Variants in RPL23 observed in about 807,000 individuals in gnomAD.
RPL23 encodes ribosomal protein L23.
For synonymous variants in RPL23, 63 were observed against 65.3 expected (o/e 0.97, Z 0.17); for missense variants, 79 against 178.8 (o/e 0.44, Z 3.18).
At chr17:38,852,833 C>A in intron 2 of RPL23, 101 bp from the exon 3 acceptor site, 1 of 1,543,412 alleles carries the variant, frequency 6.5e-7, no homozygotes, top group Non-Finnish European at 8.9e-7. Context: ...TCCCTCCACT[C>A]ACTGCCCAAG....
chr17:38,850,566 A>C, intron 3 of RPL23, 91 bp from the exon 4 acceptor site: 1 of 808,454 alleles, frequency 1.2e-6, no homozygotes, highest in Non-Finnish European at 2.2e-6. Context: ...ATGTACACTC[A>C]GCGTTTGAGA....
At position 38,848,077 on chromosome 17, in the gene RPL23, A is replaced by G. The variant is rs1202480831; in HGVS notation, c.*2055T>C. On this transcript the variant is annotated 3_prime_UTR_variant, in exon 5 of 5. Coordinates refer to ENST00000479035, the MANE Select transcript of RPL23 (RefSeq NM_000978.4). ...GCAAGACTGCCTCAGAAAAGATAAC[A>G]TTCAAAAACAGCAGCGATTAGTGGT... 6.5e-7 allele frequency: 1 copy of G among 1,531,150 alleles called. No homozygotes were observed. Among genetic ancestry groups the G allele is most frequent in the Admixed American group, 2.1e-5 (1 of 46,552 alleles). The allele number at this position is 1,531,150 out of a possible 1,614,324, so 94.8% of individuals were successfully genotyped here.
At chr17:38,853,672 A>C in intron 1 of RPL23, 26 bp downstream of exon 1, 1 of 1,614,088 alleles carries the variant, frequency 6.2e-7, no homozygotes, top group South Asian at 1.1e-5. Context: ...CAGATGGTGG[A>C]GGATCCTCCA....
At chr17:38,853,647 C>T in intron 1 of RPL23, 51 bp downstream of exon 1, 1 of 1,613,242 alleles carries the variant, frequency 6.2e-7, no homozygotes, top group South Asian at 1.1e-5. Flanking sequence ...GACGAATCCG[C>T]CAGCCACTGC....
rs767702169 is a variant in RPL23 at position 38,852,906 on chromosome 17, T to C, written c.97+116A>G. 3.2e-5 allele frequency: 44 copies of C among 1,367,250 alleles called. No individual in the cohort carries two copies. The South Asian group carries it at 5.0e-4, about 16-fold the overall frequency. 84.7% of individuals were successfully genotyped at this position (1,367,250 alleles called of 1,614,324 possible). A position where few individuals can be genotyped will look rare whatever the true frequency, so the allele number is the denominator to read the frequency against. On this transcript the variant is annotated intron_variant, in intron 2 of 4. Coordinates refer to ENST00000479035, the MANE Select transcript of RPL23 (RefSeq NM_000978.4). ...TGAAGCAAACAACACATGTTGCCAC[T>C]TCACCCAAAAGCGATGTTTTCACTC...
In RPL23 at chr17:38,848,174, A is replaced by G; in HGVS notation, c.*1958T>C. 4.3e-6 allele frequency: 5 copies of G among 1,171,364 alleles called. No homozygotes were observed. Among genetic ancestry groups the G allele is most frequent in the Non-Finnish European group, 4.4e-6 (4 of 903,878 alleles). The allele number at this position is 1,171,364 out of a possible 1,614,324, so 72.6% of individuals were successfully genotyped here. Reference sequence around the variant, plus strand: ...GGTGGGCCTAGGGGCTTGTCACACTAAAGCTGACTTGAAATTGACCATACT... The same window carrying G: ...GGTGGGCCTAGGGGCTTGTCACACTGAAGCTGACTTGAAATTGACCATACT... On this transcript the variant is annotated 3_prime_UTR_variant, in exon 5 of 5. Coordinates refer to ENST00000479035, the MANE Select transcript of RPL23 (RefSeq NM_000978.4).
chr17:38,853,611 C>T, intron 1 of RPL23, 87 bp downstream of exon 1: 1 of 1,552,806 alleles, frequency 6.4e-7, no homozygotes, highest in South Asian at 1.1e-5. Flanking sequence ...AGCAAAGCGC[C>T]CCAGCTGCCT....
intron 3 of RPL23, chr17:38,851,365 T>C (rs989876103): frequency 6.6e-6 from 1 of 152,226 alleles, no homozygotes; most frequent in Non-Finnish European, 1.5e-5. Context: ...ATTCTTCAAG[T>C]AGACCTGGTC....
chr17:38,853,429 T>G (rs1913063683), intron 1 of RPL23: 1 of 716,182 alleles, frequency 1.4e-6, no homozygotes, highest in Non-Finnish European at 2.6e-6. Flanking sequence ...CCTAATCCAG[T>G]CTAACTTCAA....
intron 2 of RPL23, 31 bp from the exon 3 acceptor site, chr17:38,852,763 T>C: frequency 6.2e-7 from 1 of 1,613,798 alleles, no homozygotes; most frequent in South Asian, 1.1e-5. Context: ...AAATAAAAAA[T>C]GTTGAGGGCC....
rs1334749388 is a variant in RPL23 at position 38,849,302 on chromosome 17, T to C, written c.*830A>G. Reference sequence around the variant, plus strand: ...CACATCATTCCTCAAAATCCATGTGTGTGTCCAGGATCTAACTATATAGTC... The same window carrying C: ...CACATCATTCCTCAAAATCCATGTGCGTGTCCAGGATCTAACTATATAGTC... On this transcript the variant is annotated 3_prime_UTR_variant, in exon 5 of 5. Transcript: ENST00000479035. 1.3e-5 allele frequency: 2 copies of C among 151,238 alleles called. No homozygotes were observed. The highest frequency in any genetic ancestry group is 1.9e-4 in the East Asian group (1 of 5,166). The allele number at this position is 151,238 out of a possible 1,614,324, so 9.4% of individuals were successfully genotyped here. A position where few individuals can be genotyped will look rare whatever the true frequency, so the allele number is the denominator to read the frequency against.
chr17:38,850,192 T>C lies in RPL23; in HGVS notation c.363A>G (p.Val121=), dbSNP rs1421309874. 1 of 1,605,758 alleles carries C rather than the reference T, an allele frequency of 6.2e-7. No individual in the cohort carries two copies. The highest frequency in any genetic ancestry group is 8.5e-7 in the Non-Finnish European group (1 of 1,177,622). ...EMKGSAITGP[V]AKECADLWPR... is the part of the protein sequence containing the mutation. The stretch of plus-strand genomic sequence containing the variant: ...GCCACAAGTCTGCACACTCCTTTGC[T>C]ACTGGTCCTGTAATGGCAGAACCTG... Residue 121 remains valine, a synonymous_variant, in exon 5 of 5, where the codon GTA becomes GTG. Transcript: ENST00000479035.
Position 38,850,475 on chromosome 17 carries a change from A to C in RPL23, c.227T>G (p.Val76Gly). Residue 76 changes from valine (V) to glycine (G), a missense_variant and splice_region_variant, in exon 4 of 5, where the codon GTA (valine) becomes GGA (glycine). Val to Gly is a moderately radical substitution (Grantham distance 109). Coordinates refer to ENST00000479035, the MANE Select transcript of RPL23 (RefSeq NM_000978.4). ...KKGKPELRKK[V>G]HPAVVIRQRK... ...TTGTCGAATGACCACTGCTGGATGT[A>C]CTGAGAGAAGAAAAAAGGACAGCAG... The C allele has an allele frequency of 1.2e-6, 2 of 1,608,772 alleles. No homozygotes were observed. Among genetic ancestry groups the C allele is most frequent in the Non-Finnish European group, 1.7e-6 (2 of 1,175,602 alleles).
Position 38,852,719 on chromosome 17 carries a change from C to G in RPL23, c.111G>C (p.Leu37=). 6.2e-7 allele frequency: 1 copy of G among 1,614,162 alleles called. No homozygotes were observed. The highest frequency in any genetic ancestry group is 1.1e-5 in the South Asian group (1 of 91,080). Residue 37 remains leucine (L), a synonymous_variant, in exon 3 of 5, where the codon CTG becomes CTC. Coordinates refer to ENST00000479035, the MANE Select transcript of RPL23 (RefSeq NM_000978.4). The stretch of plus-strand genomic sequence containing the variant: ...TGATCCCCTTCACGGAGATGATATA[C>G]AGGTTTTTGGCTCCTACAAAAGAAT... ...NCADNTGAKN[L]YIISVKGIKG... is the part of the protein sequence containing the mutation.
At chr17:38,852,437 G>A (rs1913030005) in intron 3 of RPL23, 167 bp downstream of exon 3, 1 of 748,266 alleles carries the variant, frequency 1.3e-6, no homozygotes, top group South Asian at 1.9e-5. Flanking sequence ...GTGACAAGAT[G>A]ATGGTCCCCC....
In RPL23 at chr17:38,853,720, CG is replaced by C; in HGVS notation, c.-11del. 1.2e-6 allele frequency: 2 copies of C among 1,613,692 alleles called. No individual in the cohort carries two copies. The highest frequency in any genetic ancestry group is 1.7e-6 in the Non-Finnish European group (2 of 1,179,926). ...CACCTCGCTTCGACATCTTGAACGC[CG>C]GAAAAAAGAAAAAAGGAAGTCGATT... On this transcript the variant is annotated 5_prime_UTR_variant, in exon 1 of 5. Coordinates refer to ENST00000479035, the MANE Select transcript of RPL23 (RefSeq NM_000978.4).
In RPL23 at chr17:38,848,609, C is replaced by G. The variant is rs1234958444; in HGVS notation, c.*1523G>C. ...GTTCTCAGTCTTGGGTATACCTTGA[C>G]ATCTCCTGGGAGCTTCACAATTCTG... On this transcript the variant is annotated 3_prime_UTR_variant, in exon 5 of 5. Transcript: ENST00000479035. 6.6e-6 allele frequency: 1 copy of G among 152,310 alleles called. No homozygotes were observed. Among genetic ancestry groups the G allele is most frequent in the Non-Finnish European group, 1.5e-5 (1 of 68,128 alleles). 9.4% of individuals were successfully genotyped at this position (152,310 alleles called of 1,614,324 possible).
rs778067708 is a variant in RPL23 at position 38,852,649 on chromosome 17, C to T, written c.181G>A (p.Val61Met). ...RLPAAGVGDM[V>M]MATVKKGKPE... is the part of the protein sequence containing the mutation. ...TTGCCTTTCTTGACTGTGGCCATCA[C>T]CATGTCACCCACACCAGCAGCGGGA... is the stretch of plus-strand genomic sequence containing the variant. The change falls in exon 3 of 5, where the codon GTG (valine) becomes ATG (methionine). Residue 61 changes from valine (V) to methionine (M), a missense_variant. Physicochemically the swap from Val to Met is conservative, Grantham distance 21. Coordinates refer to ENST00000479035, the MANE Select transcript of RPL23 (RefSeq NM_000978.4). The T allele has an allele frequency of 3.7e-6, 6 of 1,613,066 alleles. No individual in the cohort carries two copies. The highest frequency in any genetic ancestry group is 5.1e-6 in the Non-Finnish European group (6 of 1,180,046).
At position 38,847,927 on chromosome 17, in the gene RPL23, G is replaced by C. The variant is rs1567685572; in HGVS notation, c.*2205C>G. ...TCTCCAAAGAATAAAATGTGAGGTG[G>C]GATGCAGTGGCTCACACTTGTAATT... On this transcript the variant is annotated 3_prime_UTR_variant, in exon 5 of 5. Coordinates refer to ENST00000479035, the MANE Select transcript of RPL23 (RefSeq NM_000978.4). 21 of 1,526,570 alleles carry C rather than the reference G, an allele frequency of 1.4e-5. No individual in the cohort carries two copies. Among genetic ancestry groups the C allele is most frequent in the Non-Finnish European group, 1.8e-5 (21 of 1,138,580 alleles). 94.6% of individuals were successfully genotyped at this position (1,526,570 alleles called of 1,614,324 possible).
Sources: allele counts gnomAD v4.1 joint callset, GRCh38; gene constraint gnomAD v4.1.1; transcripts MANE v1.5; gene names NCBI Gene and HGNC (gene_info 2026-07-23, HGNC 2026-07-21).